The following SUPT20H variants were observed in gnomAD, a reference collection of about 807,000 sequenced individuals.
SUPT20H encodes SPT20 homolog, SAGA complex component, also known as transcription factor SPT20 homolog.
A neutral mutation model predicts 122.8 loss-of-function variants in SUPT20H; 82 were observed. The ratio of observed to expected loss-of-function variants is 0.67; its 90% confidence interval spans 0.56 to 0.80. The LOEUF is 0.80. SUPT20H is among the 30% of genes least tolerant of loss of function. The probability of loss-of-function intolerance (pLI) is 0.00; values close to 1 mark genes in which losing one functional copy is unlikely to be tolerated. For synonymous variants in SUPT20H, 291 were observed against 313.0 expected, an observed-to-expected ratio of 0.93 and a Z score of 0.74; for missense variants, 831 against 921.6, an observed-to-expected ratio of 0.90 and a Z score of 1.27.
intron 2 of SUPT20H, among the ~76,000 whole-genome samples, chr13:37,049,139 C>T (rs943469620): frequency 6.6e-6 from 1 of 151,950 alleles, no homozygotes; most frequent in Admixed American, 6.6e-5. Flanking sequence ...ATTCAAGATG[C>T]CATTGAAAGC....
chr13:37,056,188 AT>A (rs1249742018), intron 1 of SUPT20H, among the ~76,000 whole-genome samples: 1 of 152,212 alleles, frequency 6.6e-6, no homozygotes, highest in African/African-American at 2.4e-5. Flanking sequence ...TAGCTCAACC[AT>A]TGTGGAAGTC....
intron 25 of SUPT20H, among the ~76,000 whole-genome samples, chr13:37,010,181 G>A (rs906394142): frequency 6.6e-6 from 1 of 152,040 alleles, no homozygotes; most frequent in African/African-American, 2.4e-5. Flanking sequence ...TAAAATTATG[G>A]TATAACATTT....
chr13:37,038,095 T>C (rs1337772849), intron 9 of SUPT20H: 2 of 151,878 alleles, frequency 1.3e-5, no homozygotes, highest in Non-Finnish European at 2.9e-5. Context: ...GTGTACTGTC[T>C]CTTGCATCAA....
At chr13:37,045,666 A>G (rs1257490004) in intron 5 of SUPT20H, among the ~76,000 whole-genome samples, 1 of 152,186 alleles carries the variant, frequency 6.6e-6, no homozygotes, top group Non-Finnish European at 1.5e-5. Flanking sequence ...TGAATACTTA[A>G]GAAATAAAAA....
At chr13:37,018,044 C>T (rs1256677312) in intron 22 of SUPT20H, among the ~76,000 whole-genome samples, 1 of 151,920 alleles carries the variant, frequency 6.6e-6, no homozygotes, top group Admixed American at 6.5e-5. Flanking sequence ...ATATACGGAC[C>T]ACTTTGAGGT....
chr13:37,030,999 A>G (rs1220021593), intron 12 of SUPT20H, among the ~76,000 whole-genome samples: 1 of 152,182 alleles, frequency 6.6e-6, no homozygotes, highest in Non-Finnish European at 1.5e-5. Context: ...ATAAAAAACA[A>G]CAGAGGAGAA....
chr13:37,013,218 C>T (rs2059895225), intron 23 of SUPT20H: 1 of 152,014 alleles, frequency 6.6e-6, no homozygotes, highest in Non-Finnish European at 1.5e-5. Context: ...CTACAATGAA[C>T]AAGACAGTGT....
At chr13:37,038,084 T>G (rs1245272279) in intron 9 of SUPT20H, 1 of 151,938 alleles carries the variant, frequency 6.6e-6, no homozygotes, top group Non-Finnish European at 1.5e-5. Context: ...TTACTACTGT[T>G]GTGTACTGTC....
intron 10 of SUPT20H, among the ~76,000 whole-genome samples, chr13:37,032,323 G>C (rs1327186306): frequency 2.0e-5 from 3 of 152,086 alleles, no homozygotes; most frequent in Admixed American, 6.6e-5. Flanking sequence ...AAAGATGGGA[G>C]TGAAGGGGAT....
chr13:37,027,008 C>A (rs575906261), intron 14 of SUPT20H, among the ~76,000 whole-genome samples, 192 bp from the exon 15 acceptor site: 15 of 152,036 alleles, frequency 9.9e-5, no homozygotes, highest in East Asian at 3.9e-4. Flanking sequence ...CTCTATAGAC[C>A]AATTTTTTCA....
At chr13:37,014,994 A>G (rs2060187328) in intron 23 of SUPT20H, among the ~76,000 whole-genome samples, 1 of 152,178 alleles carries the variant, frequency 6.6e-6, no homozygotes, top group African/African-American at 2.4e-5. Context: ...AAAAACATAT[A>G]AAGCAAGTCA....
chr13:37,028,104 C>T (rs1195532032), intron 14 of SUPT20H, 44 bp downstream of exon 14: 1 of 1,501,214 alleles, frequency 6.7e-7, no homozygotes, highest in Non-Finnish European at 8.9e-7. Flanking sequence ...ATTCTTGGTG[C>T]CTTATTTTTT....
At chr13:37,054,259 C>A (rs1419371425) in intron 1 of SUPT20H, among the ~76,000 whole-genome samples, 1 of 152,208 alleles carries the variant, frequency 6.6e-6, no homozygotes, top group African/African-American at 2.4e-5. Flanking sequence ...TCCTCCCTAA[C>A]TCATTTTATG....
intron 3 of SUPT20H, 132 bp downstream of exon 3, chr13:37,048,432 C>A (rs1343432031): frequency 3.2e-6 from 2 of 630,134 alleles, no homozygotes; most frequent in East Asian, 3.2e-5. Flanking sequence ...ATATTTACAG[C>A]AAAATGATAT....
intron 13 of SUPT20H, 75 bp downstream of exon 13, chr13:37,029,690 C>T: frequency 7.4e-7 from 1 of 1,342,826 alleles, no homozygotes; most frequent in Non-Finnish European, 1.0e-6. Flanking sequence ...GGCAATTGCA[C>T]TTTATGTTTA....
intron 1 of SUPT20H, among the ~76,000 whole-genome samples, chr13:37,052,761 G>A (rs978303863): frequency 2.0e-5 from 3 of 151,888 alleles, no homozygotes; most frequent in East Asian, 3.9e-4. Flanking sequence ...CAGAATGGGC[G>A]ATAATTTTTT....
chr13:37,055,536 A>C (rs2068753768), intron 1 of SUPT20H, among the ~76,000 whole-genome samples: 1 of 152,220 alleles, frequency 6.6e-6, no homozygotes, highest in South Asian at 2.1e-4. Flanking sequence ...CTATTTAATA[A>C]ATGGTGCTGG....
chr13:37,033,422 G>A (rs780548322), intron 10 of SUPT20H, 27 bp downstream of exon 10: 10 of 1,602,722 alleles, frequency 6.2e-6, no homozygotes, highest in Non-Finnish European at 8.5e-6. Context: ...TGTGTCTTTT[G>A]GTTCACCCTT....
At position 37,031,898 on chromosome 13, in the gene SUPT20H, G is replaced by A; in HGVS notation, c.708-3C>T. 1 of 1,569,790 alleles carries A rather than the reference G, an allele frequency of 6.4e-7. No individual in the cohort carries two copies. The highest frequency in any genetic ancestry group is 8.6e-7 in the Non-Finnish European group (1 of 1,166,778). ...ATCTGGAATACCTCTTGAAACACCT[G>A]AAATATTAAGAAATTTGAACTAAAC... On this transcript the variant is annotated splice_polypyrimidine_tract_variant and splice_region_variant and intron_variant, in intron 10 of 25. Transcript: ENST00000350612.
Sources: gnomAD v4.1 joint callset for allele counts (sites outside exome capture counted in the v4.1 genomes callset) on GRCh38, gnomAD v4.1.1 for gene constraint, MANE v1.5 for transcripts, NCBI Gene and HGNC (gene_info 2026-07-23, HGNC 2026-07-21) for gene names.